The following ERC1 variants were observed in gnomAD, a reference collection of about 807,000 sequenced individuals.
The protein encoded by ERC1 is ELKS/RAB6-interacting/CAST family member 1, also known as RAB6 interacting protein 2.
In ERC1, 56 loss-of-function variants were observed where a neutral mutation model predicts 132.0. The observed-to-expected ratio is 0.42, with a 90% CI of 0.34 to 0.53. The LOEUF (loss-of-function observed/expected upper bound fraction) is 0.53, where lower values mean the gene tolerates loss of function less well. Ranked by LOEUF, ERC1 falls within the 20% of genes least tolerant of loss-of-function variation. ERC1 has a pLI of 0.03. For synonymous variants in ERC1, 478 were observed against 476.1 expected (o/e 1.00, Z -0.05); for missense variants, 1,202 against 1,349.9 (o/e 0.89, Z 1.72).
At chr12:1,294,004 G>A (rs994946758) in intron 15 of ERC1, among the ~76,000 whole-genome samples, 2 of 152,138 alleles carry the variant, frequency 1.3e-5, no homozygotes, top group African/African-American at 4.8e-5. Flanking sequence ...ACAATATGTT[G>A]TACAGTATAG....
chr12:1,061,394 G>A lies in ERC1; in HGVS notation c.670-21770G>A, dbSNP rs146568214. ...GCAGATCACTTGAGCCCAGGAGTTC[G>A]AGATCAGCCTGGGCAAGATGGTGAA... On this transcript the variant is annotated intron_variant, in intron 2 of 18. Transcript: ENST00000360905. 4.9e-4 allele frequency among the ~76,000 whole-genome samples: 74 copies of A among 150,494 alleles called. No homozygotes were observed. The East Asian group carries it at 0.013, about 25-fold the overall frequency.
At chr12:1,232,446 C>T (rs1299920443) in intron 12 of ERC1, among the ~76,000 whole-genome samples, 1 of 152,172 alleles carries the variant, frequency 6.6e-6, no homozygotes, top group East Asian at 1.9e-4. Context: ...CATGCTCATT[C>T]ATTTAATGCT....
intron 15 of ERC1, among the ~76,000 whole-genome samples, chr12:1,306,723 G>T (rs9943851): frequency 0.018 from 2,770 of 151,574 alleles, 85 homozygotes; most frequent in African/African-American, 0.064. Context: ...AGAAAGTTGG[G>T]TTTTTTTTGT....
At chr12:1,409,501 A>C (rs2091716061) in intron 17 of ERC1, among the ~76,000 whole-genome samples, 1 of 152,190 alleles carries the variant, frequency 6.6e-6, no homozygotes, top group Admixed American at 6.5e-5. Context: ...TTTTGCCCAG[A>C]TCCAGCCCTG....
chr12:1,059,052 A>G (rs1361556668), intron 2 of ERC1, among the ~76,000 whole-genome samples: 2 of 151,412 alleles, frequency 1.3e-5, no homozygotes, highest in Non-Finnish European at 1.5e-5. Context: ...GAGCTCTTTC[A>G]CCTTCTTGGT....
chr12:1,394,807 T>G (rs2154384451), intron 16 of ERC1, among the ~76,000 whole-genome samples: 1 of 152,340 alleles, frequency 6.6e-6, no homozygotes, highest in East Asian at 1.9e-4. Context: ...ACCAATTTTC[T>G]TCATAAATTT....
chr12:1,465,241 A>G (rs73028391), intron 18 of ERC1, among the ~76,000 whole-genome samples: 7,381 of 152,290 alleles, frequency 0.048, 280 homozygotes, highest in South Asian at 0.15. Context: ...ACCTGCACCA[A>G]TGCTGCAAAC....
intron 7 of ERC1, among the ~76,000 whole-genome samples, chr12:1,139,425 G>T (rs1949662230): frequency 6.6e-6 from 1 of 152,052 alleles, no homozygotes; most frequent in Non-Finnish European, 1.5e-5. Flanking sequence ...TGTTACAATT[G>T]TTCTATTTTG....
intron 15 of ERC1, among the ~76,000 whole-genome samples, chr12:1,361,845 G>C (rs912496696): frequency 6.6e-6 from 1 of 152,182 alleles, no homozygotes; most frequent in South Asian, 2.1e-4. Flanking sequence ...TGAAGTATGG[G>C]GGAAAGAGTG....
At chr12:1,237,334 C>G (rs1271930832) in intron 13 of ERC1, among the ~76,000 whole-genome samples, 1 of 151,958 alleles carries the variant, frequency 6.6e-6, no homozygotes, top group African/African-American at 2.4e-5. Context: ...TCTATCTTTC[C>G]TTCCTTTCCT....
At chr12:1,138,008 ATG>A (rs1481559348) in intron 7 of ERC1, among the ~76,000 whole-genome samples, 7 of 126,418 alleles carry the variant, frequency 5.5e-5, no homozygotes, top group African/African-American at 2.1e-4. Flanking sequence ...TAATATATAA[ATG>A]TGTAAATGTA....
intron 2 of ERC1, among the ~76,000 whole-genome samples, chr12:1,079,212 C>T (rs1941838726): frequency 2.0e-5 from 3 of 148,820 alleles, no homozygotes; most frequent in Admixed American, 6.6e-5. Flanking sequence ...TACAGAGATA[C>T]AGATAGAAAT....
intron 15 of ERC1, among the ~76,000 whole-genome samples, chr12:1,368,330 C>T (rs1353794271): frequency 6.6e-6 from 1 of 152,000 alleles, no homozygotes; most frequent in Non-Finnish European, 1.5e-5. Flanking sequence ...TTTCTTTATA[C>T]TTTTCTGTAT....
intron 15 of ERC1, among the ~76,000 whole-genome samples, chr12:1,303,374 C>T (rs1289117344): frequency 9.2e-5 from 14 of 152,184 alleles, no homozygotes; most frequent in South Asian, 2.1e-4. Context: ...CCGTGGCTCA[C>T]GCCTGTAATC....
chr12:1,466,605 CA>C (rs2093748037), intron 18 of ERC1, among the ~76,000 whole-genome samples: 1 of 152,138 alleles, frequency 6.6e-6, no homozygotes, highest in Non-Finnish European at 1.5e-5. Context: ...AACTGCATTC[CA>C]AATAAACTGT....
At chr12:1,227,591 T>C (rs2154298285) in intron 12 of ERC1, among the ~76,000 whole-genome samples, 1 of 152,348 alleles carries the variant, frequency 6.6e-6, no homozygotes, top group African/African-American at 2.4e-5. Flanking sequence ...TTTTTTCCCA[T>C]TCTTTAAGTT....
chr12:1,126,231 C>G lies in ERC1; in HGVS notation c.1569+10198C>G, dbSNP rs115169425. Among the ~76,000 whole-genome samples the G allele has an allele frequency of 2.1e-3, 325 of 152,232 alleles. 2 individuals carry two copies. Among genetic ancestry groups the G allele is most frequent in the African/African-American group, 7.7e-3 (320 of 41,556 alleles). ...GAAGAGAAGATGGGAGAACCCTGCC[C>G]TGTGAGACATGAAAATACAGAGTCA... is the stretch of plus-strand genomic sequence containing the variant. On this transcript the variant is annotated intron_variant, in intron 7 of 18. Coordinates refer to ENST00000360905, the MANE Select transcript of ERC1 (RefSeq NM_178040.4).
intron 12 of ERC1, among the ~76,000 whole-genome samples, chr12:1,224,185 G>A (rs933764343): frequency 2.6e-5 from 4 of 152,100 alleles, no homozygotes; most frequent in Non-Finnish European, 5.9e-5. Context: ...ATCATTGTGT[G>A]TTTTCATCTT....
At chr12:1,256,932 TC>T (rs1402808692) in intron 13 of ERC1, among the ~76,000 whole-genome samples, 1 of 150,702 alleles carries the variant, frequency 6.6e-6, no homozygotes, top group Non-Finnish European at 1.5e-5. Context: ...TGGAGCTACA[TC>T]CTCAGGTTCT....
Sources: allele counts gnomAD v4.1 joint callset (sites outside exome capture counted in the v4.1 genomes callset), GRCh38; gene constraint gnomAD v4.1.1; transcripts MANE v1.5; gene names NCBI Gene and HGNC (gene_info 2026-07-23, HGNC 2026-07-21).